The following IGFBP5 variants were observed in gnomAD, a reference collection of about 807,000 sequenced individuals.
IGFBP5 encodes the protein insulin-like growth factor-binding protein 5.
A neutral mutation model predicts 28.0 loss-of-function variants in IGFBP5; 12 were observed. The ratio of observed to expected loss-of-function variants is 0.43; its 90% CI spans 0.27 to 0.69. The LOEUF (loss-of-function observed/expected upper bound fraction) is 0.69, where lower values mean the gene tolerates loss of function less well. IGFBP5 is among the 30% of genes least tolerant of loss of function. The pLI is 0.20. For synonymous variants in IGFBP5, 152 were observed against 150.2 expected, an observed-to-expected ratio of 1.01 and a Z score of -0.09; for missense variants, 344 against 381.6, an observed-to-expected ratio of 0.90 and a Z score of 0.82.
chr2:216,689,929 C>T (rs1262278461), intron 1 of IGFBP5, among the ~76,000 whole-genome samples: 1 of 152,096 alleles, frequency 6.6e-6, no homozygotes, highest in African/African-American at 2.4e-5. Flanking sequence ...ATAACCTCTC[C>T]TCCTCACAGA....
Position 216,678,186 on chromosome 2 carries a change from C to G in IGFBP5, c.613G>C (p.Ala205Pro). 1 of 1,594,518 alleles carries G rather than the reference C, an allele frequency of 6.3e-7. No homozygotes were observed. Among genetic ancestry groups the G allele is most frequent in the Non-Finnish European group, 8.6e-7 (1 of 1,168,102 alleles). ...HMEASLQELK[A>P]SPRMVPRAVY... ...GCACGGGGCACCATGCGTGGGCTGG[C>G]TTTGAGCTCCTGCAGGGAAGCCTCC... The change falls in exon 3 of 4, where the codon GCC (alanine) becomes CCC (proline). Residue 205 changes from alanine (A) to proline (P), a missense_variant. Around this residue, in one of 3 missense-constraint regions of IGFBP5, gnomAD observed 304 missense variants for 329.2 expected, o/e 0.92. Transcript: ENST00000233813.
At chr2:216,680,620 A>T (rs1688967761) in intron 1 of IGFBP5, among the ~76,000 whole-genome samples, 1 of 152,200 alleles carries the variant, frequency 6.6e-6, no homozygotes. Context: ...GTCTAATGAA[A>T]TAGGTATCTG....
intron 2 of IGFBP5, 99 bp from the exon 3 acceptor site, chr2:216,678,330 G>A (rs1428690644): frequency 7.8e-7 from 1 of 1,283,310 alleles, no homozygotes; most frequent in African/African-American, 1.5e-5. Flanking sequence ...AGGGTCTCTG[G>A]AGGAAAGTCA....
Position 216,694,644 on chromosome 2 carries a change from GC to G in IGFBP5, c.131del (p.Gly44AlafsTer14). 6.5e-7 allele frequency: 1 copy of G among 1,529,568 alleles called. No homozygotes were observed. The highest frequency in any genetic ancestry group is 8.8e-7 in the Non-Finnish European group (1 of 1,141,554). 94.7% of individuals were successfully genotyped at this position (1,529,568 alleles called of 1,614,324 possible). On this transcript the variant is annotated frameshift_variant, in exon 1 of 4. Coordinates refer to ENST00000233813, the MANE Select transcript of IGFBP5 (RefSeq NM_000599.4). LOFTEE classifies it high-confidence loss of function. The surrounding 1 kb of genome is among the most constrained non-coding windows in gnomAD (Gnocchi z 5.2). ...ALSMCPPSPL[G>X]CELVKEPGCG... ...AGCCCGGCTCCTTGACCAGCTCGCA[GC>G]CCAGGGGGCTGGGGGGGCACATGGA...
chr2:216,673,534 T>C lies in IGFBP5; in HGVS notation c.*3217A>G, dbSNP rs73989581. On this transcript the variant is annotated 3_prime_UTR_variant, in exon 4 of 4. Transcript: ENST00000233813. The surrounding 1 kb of genome is among the most constrained non-coding windows in gnomAD (Gnocchi z 4.3). ...AAGACAGAGGCATCTTCCTCACTGGTGGAGTGAGGCACGAATCTAAAGGGG... is the reference window on the plus strand; with the variant it reads ...AAGACAGAGGCATCTTCCTCACTGGCGGAGTGAGGCACGAATCTAAAGGGG... 16,990 of 152,422 alleles carry C rather than the reference T, an allele frequency of 0.11. 1,861 individuals carry two copies. Among genetic ancestry groups the C allele is most frequent in the African/African-American group, 0.29 (11,874 of 41,522 alleles). 9.4% of individuals were successfully genotyped at this position (152,422 alleles called of 1,614,324 possible).
chr2:216,678,165 G>C lies in IGFBP5; in HGVS notation c.634C>G (p.Arg212Gly), dbSNP rs148981948. 6.3e-7 allele frequency: 1 copy of C among 1,595,324 alleles called. No individual in the cohort carries two copies. Among genetic ancestry groups the C allele is most frequent in the Admixed American group, 1.7e-5 (1 of 58,564 alleles). Reference sequence around the variant, plus strand: ...TCACAATTGGGCAGGTACACAGCACGGGGCACCATGCGTGGGCTGGCTTTG... The same window carrying C: ...TCACAATTGGGCAGGTACACAGCACCGGGCACCATGCGTGGGCTGGCTTTG... ...ELKASPRMVPRAVYLPNCDRK... is the reference protein window; with the variant it reads ...ELKASPRMVPGAVYLPNCDRK... The change falls in exon 3 of 4, where the codon CGT becomes GGT. Residue 212 changes from arginine (R) to glycine (G), a missense_variant. Transcript: ENST00000233813.
At chr2:216,684,258 G>C (rs1689010589) in intron 1 of IGFBP5, among the ~76,000 whole-genome samples, 1 of 152,150 alleles carries the variant, frequency 6.6e-6, no homozygotes, top group Non-Finnish European at 1.5e-5. Context: ...TTGCTTGCTG[G>C]TCACAGCAAT....
At position 216,679,114 on chromosome 2, in the gene IGFBP5, G is replaced by GTGCACCTT; in HGVS notation, c.338-36_338-35insAAGGTGCA. 6.3e-7 allele frequency: 1 copy of GTGCACCTT among 1,583,046 alleles called. No individual in the cohort carries two copies. Among genetic ancestry groups the GTGCACCTT allele is most frequent in the Non-Finnish European group, 8.7e-7 (1 of 1,152,286 alleles). The stretch of plus-strand genomic sequence containing the variant: ...AAGGAGCCGGAGGGTCAGCCCCCGT[G>GTGCACCTT]GGCCAAGGTGCACACGGCCAGAGCC... On this transcript the variant is annotated intron_variant, in intron 1 of 3. Transcript: ENST00000233813. This position sits in a 1 kb window ranked among gnomAD's most constrained non-coding sequence, Gnocchi z 4.6.
chr2:216,678,732 G>C (rs1688933754), intron 2 of IGFBP5, 118 bp downstream of exon 2: 1 of 789,030 alleles, frequency 1.3e-6, no homozygotes, highest in East Asian at 2.7e-5. Flanking sequence ...TGAGCCACAT[G>C]GTGGGCTGTA....
chr2:216,680,143 G>A (rs11575188), intron 1 of IGFBP5, among the ~76,000 whole-genome samples: 1 of 152,230 alleles, frequency 6.6e-6, no homozygotes, highest in African/African-American at 2.4e-5. Flanking sequence ...GGCGGGCAGC[G>A]TGTGGCCAGG....
chr2:216,676,940 C>T (rs943539970), intron 3 of IGFBP5, 58 bp from the exon 4 acceptor site: 4 of 1,581,070 alleles, frequency 2.5e-6, no homozygotes, highest in Non-Finnish European at 3.5e-6. Context: ...CTCTGCTCCT[C>T]CCTGCCCTGC....
In IGFBP5 at chr2:216,692,362, CGTGTGTGTGT is replaced by C. The variant is rs59144401; in HGVS notation, c.337+2067_337+2076del. On this transcript the variant is annotated intron_variant, in intron 1 of 3. Coordinates refer to ENST00000233813, the MANE Select transcript of IGFBP5 (RefSeq NM_000599.4). This position sits in a 1 kb window ranked among gnomAD's most constrained non-coding sequence, Gnocchi z 4.2. Reference sequence around the variant, plus strand: ...GGGATCTTGCTTGGGACTGAAGTGTCGTGTGTGTGTGTGTGTGTGTGTGTGTGTGTGTGTG... The same window carrying C: ...GGGATCTTGCTTGGGACTGAAGTGTCGTGTGTGTGTGTGTGTGTGTGTGTG... Among the ~76,000 whole-genome samples, 737 of 142,504 alleles carry C rather than the reference CGTGTGTGTGT, an allele frequency of 5.2e-3. No homozygotes were observed. Among genetic ancestry groups the C allele is most frequent in the South Asian group, 7.9e-3 (33 of 4,176 alleles). 93.5% of individuals were successfully genotyped at this position (142,504 alleles called of 152,430 possible).
At chr2:216,688,560 G>A (rs894972420) in intron 1 of IGFBP5, among the ~76,000 whole-genome samples, 9 of 152,238 alleles carry the variant, frequency 5.9e-5, no homozygotes, top group Non-Finnish European at 1.2e-4. Context: ...TAAATGATCT[G>A]GAAGAAGAGT....
At chr2:216,685,270 CAAA>C (rs112350608) in intron 1 of IGFBP5, among the ~76,000 whole-genome samples, 4 of 87,302 alleles carry the variant, frequency 4.6e-5, no homozygotes, top group African/African-American at 7.5e-5. Context: ...AATAGTGTGA[CAAA>C]AAAAAAAAAA....
chr2:216,687,723 G>T (rs944217749), intron 1 of IGFBP5, among the ~76,000 whole-genome samples: 1 of 152,184 alleles, frequency 6.6e-6, no homozygotes, highest in Non-Finnish European at 1.5e-5. Flanking sequence ...GTGGGGAGCA[G>T]CCTCTGGAGG....
In IGFBP5 at chr2:216,694,394, C is replaced by T; in HGVS notation, c.337+45G>A. The T allele has an allele frequency of 7.0e-7, 1 of 1,429,112 alleles. No homozygotes were observed. Among genetic ancestry groups the T allele is most frequent in the Non-Finnish European group, 9.2e-7 (1 of 1,088,366 alleles). The allele number at this position is 1,429,112 out of a possible 1,614,324, so 88.5% of individuals were successfully genotyped here. Reference sequence around the variant, plus strand: ...GCGGGCCCAGCCGGTCTCGTGTCCCCCGCCCGTGCGCCGCGTAACTGACTG... The same window carrying T: ...GCGGGCCCAGCCGGTCTCGTGTCCCTCGCCCGTGCGCCGCGTAACTGACTG... On this transcript the variant is annotated intron_variant, in intron 1 of 3. Coordinates refer to ENST00000233813, the MANE Select transcript of IGFBP5 (RefSeq NM_000599.4). The surrounding 1 kb of genome is among the most constrained non-coding windows in gnomAD (Gnocchi z 5.2).
intron 1 of IGFBP5, among the ~76,000 whole-genome samples, chr2:216,686,958 A>G (rs1689040580): frequency 6.6e-6 from 1 of 152,030 alleles, no homozygotes; most frequent in Admixed American, 6.5e-5. Context: ...CCCCTTCTCC[A>G]TTATATTCTG....
In IGFBP5 at chr2:216,679,635, T is replaced by C. The variant is rs1688946272; in HGVS notation, c.338-556A>G. Among the ~76,000 whole-genome samples the C allele has an allele frequency of 6.6e-6, 1 of 152,006 alleles. No individual in the cohort carries two copies. Among genetic ancestry groups the C allele is most frequent in the African/African-American group, 2.4e-5 (1 of 41,382 alleles). On this transcript the variant is annotated intron_variant, in intron 1 of 3. Transcript: ENST00000233813. The surrounding 1 kb of genome is among the most constrained non-coding windows in gnomAD (Gnocchi z 4.6). ...CTGGATGTTGAGGTCTCTTTGGACCTGGGGAACCTAGGAGGAGGGGGTCCT... is the reference window on the plus strand; with the variant it reads ...CTGGATGTTGAGGTCTCTTTGGACCCGGGGAACCTAGGAGGAGGGGGTCCT...
At position 216,694,472 on chromosome 2, in the gene IGFBP5, T is replaced by C; in HGVS notation, c.304A>G (p.Asn102Asp). ...ALLHGRGVCLNEKSYREQVKI... is the reference protein window; with the variant it reads ...ALLHGRGVCLDEKSYREQVKI... The stretch of plus-strand genomic sequence containing the variant: ...ACTTGCTCGCGGTAGCTCTTTTCGT[T>C]GAGGCAAACCCCGCGGCCGTGCAGC... The change falls in exon 1 of 4, where the codon AAC (asparagine) becomes GAC (aspartate). Residue 102 changes from asparagine to aspartate, a missense_variant. Coordinates refer to ENST00000233813, the MANE Select transcript of IGFBP5 (RefSeq NM_000599.4). This position sits in a 1 kb window ranked among gnomAD's most constrained non-coding sequence, Gnocchi z 5.2. 5 of 1,584,946 alleles carry C rather than the reference T, an allele frequency of 3.2e-6. No homozygotes were observed. Among genetic ancestry groups the C allele is most frequent in the Non-Finnish European group, 4.3e-6 (5 of 1,169,530 alleles).
Sources: allele counts gnomAD v4.1 joint callset (sites outside exome capture counted in the v4.1 genomes callset), GRCh38; gene constraint gnomAD v4.1.1; regional missense constraint gnomAD v4.1.1; non-coding constraint Gnocchi (gnomAD v3.1); transcripts MANE v1.5; gene names NCBI Gene and HGNC (gene_info 2026-07-23, HGNC 2026-07-21).